PLXNA4: variants seen among roughly 807,000 people sequenced by gnomAD.
PLXNA4 encodes plexin-A4.
Under a neutral mutation model 191.8 loss-of-function variants are expected in PLXNA4, and 44 were observed. The ratio of observed to expected loss-of-function variants is 0.23; its 90% CI spans 0.18 to 0.29. PLXNA4 has a LOEUF of 0.29. Ranked by LOEUF, PLXNA4 falls within the 10% of genes least tolerant of loss-of-function variation. The probability of loss-of-function intolerance (pLI) is 1.00; values close to 1 mark genes in which losing one functional copy is unlikely to be tolerated. For missense variants in PLXNA4, 1,800 were observed against 2,488.8 expected (o/e 0.72, Z 5.89); for synonymous variants, 1,082 against 1,009.5 (o/e 1.07, Z -1.36).
intron 1 of PLXNA4, among the ~76,000 whole-genome samples, chr7:132,559,510 C>T (rs1363275435): frequency 3.3e-5 from 5 of 152,216 alleles, no homozygotes; most frequent in East Asian, 1.9e-4. Flanking sequence ...AAATGATGCC[C>T]GGGCTAGTCA....
intron 1 of PLXNA4, among the ~76,000 whole-genome samples, chr7:132,567,118 G>A (rs1801765925): frequency 6.6e-6 from 1 of 152,128 alleles, no homozygotes; most frequent in South Asian, 2.1e-4. Context: ...AGTGGGCAAA[G>A]AATAAATAGG....
rs200917567 is a variant in PLXNA4 at position 132,168,390 on chromosome 7, G to A, written c.4200C>T (p.Tyr1400=). 177 of 1,613,256 alleles carry A rather than the reference G, an allele frequency of 1.1e-4. 1 individual carries two copies. Among genetic ancestry groups the A allele is most frequent in the African/African-American group, 2.1e-4 (16 of 75,044 alleles). Residue 1400 remains tyrosine, a synonymous_variant, in exon 22 of 32, where the codon TAC becomes TAT. Coordinates refer to ENST00000321063, the MANE Select transcript of PLXNA4 (RefSeq NM_020911.2). ...GCAGCTGCTTCAGCACATCAGTGGC[G>A]TACTCCAGCTTGCTCTGCAGCACGG... ...IMTVLQSKLE[Y]ATDVLKQLLA...
chr7:132,136,503 C>A (rs917455289), intron 30 of PLXNA4, among the ~76,000 whole-genome samples: 1 of 152,106 alleles, frequency 6.6e-6, no homozygotes, highest in African/African-American at 2.4e-5. Context: ...CTGAGTTGCT[C>A]ACAGCAGGGA....
chr7:132,268,183 T>C (rs1156912213), intron 4 of PLXNA4, among the ~76,000 whole-genome samples: 1 of 152,174 alleles, frequency 6.6e-6, no homozygotes, highest in Non-Finnish European at 1.5e-5. Context: ...TGCAGGGCCT[T>C]GAGATACAAC....
intron 14 of PLXNA4, among the ~76,000 whole-genome samples, chr7:132,189,433 C>G (rs1228426645): frequency 6.6e-6 from 1 of 152,082 alleles, no homozygotes; most frequent in Non-Finnish European, 1.5e-5. Flanking sequence ...TGCATGGAGA[C>G]CTTTAGGAAC....
At chr7:132,554,182 G>A (rs536472028) in intron 1 of PLXNA4, among the ~76,000 whole-genome samples, 37 of 152,298 alleles carry the variant, frequency 2.4e-4, no homozygotes, top group African/African-American at 8.7e-4. Flanking sequence ...CTGAAACACA[G>A]GCTGTTCTAG....
intron 9 of PLXNA4, among the ~76,000 whole-genome samples, chr7:132,214,735 T>C (rs963611534): frequency 6.6e-6 from 1 of 152,172 alleles, no homozygotes; most frequent in Non-Finnish European, 1.5e-5. Flanking sequence ...TATCTTCACC[T>C]TGAAGGCTTC....
intron 2 of PLXNA4, among the ~76,000 whole-genome samples, chr7:132,592,957 G>A (rs533970131): frequency 6.6e-6 from 1 of 151,794 alleles, no homozygotes; most frequent in East Asian, 1.9e-4. Context: ...GTTTAGAGGA[G>A]GTCCCCCACA....
chr7:132,260,912 T>C (rs1245443900), intron 4 of PLXNA4, among the ~76,000 whole-genome samples: 2 of 152,108 alleles, frequency 1.3e-5, no homozygotes, highest in South Asian at 2.1e-4. Context: ...TGTAGGTTCA[T>C]TGATTGTAAC....
intron 3 of PLXNA4, among the ~76,000 whole-genome samples, chr7:132,393,271 A>G (rs1284114202): frequency 7.6e-6 from 1 of 132,346 alleles, no homozygotes; most frequent in Non-Finnish European, 1.5e-5. Flanking sequence ...AGGCTCCTAC[A>G]GAGGGTGATA....
chr7:132,411,635 C>T (rs958317904), intron 3 of PLXNA4, among the ~76,000 whole-genome samples: 5 of 152,164 alleles, frequency 3.3e-5, no homozygotes, highest in African/African-American at 1.2e-4. Context: ...AGTCCAAATT[C>T]CCTGTATATG....
intron 20 of PLXNA4, 120 bp from the exon 21 acceptor site, chr7:132,175,040 G>T: frequency 6.9e-7 from 1 of 1,454,520 alleles, no homozygotes; most frequent in East Asian, 2.4e-5. Context: ...GGACCACGAT[G>T]GGCGGGAATA....
intron 4 of PLXNA4, chr7:132,264,068 T>G (rs1799754783): frequency 6.6e-6 from 1 of 152,222 alleles, no homozygotes; most frequent in Non-Finnish European, 1.5e-5. Flanking sequence ...CTCGTCATTA[T>G]TTCAGATATC....
At chr7:132,454,688 C>T (rs1796251369) in intron 3 of PLXNA4, among the ~76,000 whole-genome samples, 2 of 152,020 alleles carry the variant, frequency 1.3e-5, no homozygotes, top group Admixed American at 6.5e-5. Context: ...GACCTTAATG[C>T]AAACTGACTG....
At chr7:132,289,378 A>G (rs1434565811) in intron 4 of PLXNA4, among the ~76,000 whole-genome samples, 1 of 152,056 alleles carries the variant, frequency 6.6e-6, no homozygotes, top group African/African-American at 2.4e-5. Flanking sequence ...TCTCTGATTT[A>G]TTTCTTAGGT....
At chr7:132,369,773 A>C (rs1804350727) in intron 3 of PLXNA4, among the ~76,000 whole-genome samples, 1 of 152,116 alleles carries the variant, frequency 6.6e-6, no homozygotes, top group Admixed American at 6.5e-5. Flanking sequence ...AGTAGGTATA[A>C]AAAGATGATA....
At chr7:132,228,596 C>A (rs949524736) in intron 5 of PLXNA4, 127 bp from the exon 6 acceptor site, 7 of 1,225,146 alleles carry the variant, frequency 5.7e-6, no homozygotes, top group Middle Eastern at 5.3e-4. Context: ...CAGAGCTAAC[C>A]TTTTTGTGTC....
At chr7:132,191,573 C>T (rs1005591758) in intron 14 of PLXNA4, among the ~76,000 whole-genome samples, 2 of 152,116 alleles carry the variant, frequency 1.3e-5, no homozygotes, top group Non-Finnish European at 2.9e-5. Flanking sequence ...TAGCCCTGTC[C>T]ACTTTATCAT....
chr7:132,373,218 T>A (rs1804515942), intron 3 of PLXNA4, among the ~76,000 whole-genome samples: 1 of 151,960 alleles, frequency 6.6e-6, no homozygotes, highest in African/African-American at 2.4e-5. Context: ...TGCCCATGAG[T>A]CTCTAGCTGA....
Sources: gnomAD v4.1 joint callset for allele counts (sites outside exome capture counted in the v4.1 genomes callset) on GRCh38, gnomAD v4.1.1 for gene constraint, MANE v1.5 for transcripts, NCBI Gene and HGNC (gene_info 2026-07-23, HGNC 2026-07-21) for gene names.